The following DMKN variants were observed in gnomAD, a reference collection of about 807,000 sequenced individuals.
The protein encoded by DMKN is dermokine.
DMKN carries 58 observed loss-of-function variants against 67.6 expected under a neutral mutation model. The ratio of observed to expected loss-of-function variants is 0.86; its 90% confidence interval spans 0.69 to 1.07. DMKN has a LOEUF of 1.07. Ranked by LOEUF, DMKN falls within the 50% of genes least tolerant of loss-of-function variation. The pLI is 0.00. For synonymous variants in DMKN, 240 were observed against 232.3 expected (o/e 1.03, Z -0.30); for missense variants, 596 against 601.5 (o/e 0.99, Z 0.10).
At chr19:35,501,553 C>T (rs972331307) in intron 11 of DMKN, among the ~76,000 whole-genome samples, 37 of 152,218 alleles carry the variant, frequency 2.4e-4, no homozygotes, top group Non-Finnish European at 4.0e-4. Flanking sequence ...CGGGAGCAGG[C>T]AGCCTTTGTC....
At chr19:35,502,796 C>A (rs369745403) in intron 10 of DMKN, 34 bp downstream of exon 10, 156 of 1,612,236 alleles carry the variant, frequency 9.7e-5, no homozygotes, top group Non-Finnish European at 1.2e-4. Context: ...GAGGGCCAGG[C>A]CCCCAGTTCT....
chr19:35,498,582 C>G (rs943647343), intron 15 of DMKN, 134 bp downstream of exon 15: 25 of 1,239,674 alleles, frequency 2.0e-5, no homozygotes, highest in Non-Finnish European at 2.8e-5. Flanking sequence ...CTTTAGAGCA[C>G]GCACCCAGAG....
At chr19:35,509,080 A>G (rs2070185343) in intron 7 of DMKN, among the ~76,000 whole-genome samples, 1 of 151,878 alleles carries the variant, frequency 6.6e-6, no homozygotes, top group African/African-American at 2.4e-5. Context: ...AATTAGCCAG[A>G]GGTGGTGGCT....
chr19:35,505,698 C>A lies in DMKN; in HGVS notation c.1134+20G>T, dbSNP rs541868067. The A allele has an allele frequency of 6.2e-6, 10 of 1,614,162 alleles. No homozygotes were observed. The highest frequency in any genetic ancestry group is 8.5e-6 in the Non-Finnish European group (10 of 1,180,022). On this transcript the variant is annotated intron_variant, in intron 9 of 15. Coordinates refer to ENST00000339686, the MANE Select transcript of DMKN (RefSeq NM_033317.5). ...CTTTCTTCCCTATAGCCCTCTCCGA[C>A]GAAGATGTCCAGCCCTTACCTTGTT... is the stretch of plus-strand genomic sequence containing the variant.
intron 15 of DMKN, 153 bp from the exon 16 acceptor site, chr19:35,497,691 AG>A (rs2067666513): frequency 6.6e-6 from 1 of 152,220 alleles, no homozygotes; most frequent in South Asian, 2.1e-4. Context: ...CCTAAAACAG[AG>A]TTTGTGGTTC....
At chr19:35,510,977 C>A (rs975187704) in intron 5 of DMKN, among the ~76,000 whole-genome samples, 13 of 152,138 alleles carry the variant, frequency 8.5e-5, no homozygotes, top group Non-Finnish European at 1.5e-5. Flanking sequence ...TCGTCTGCAC[C>A]GTCGCTCTGT....
At chr19:35,502,750 G>A (rs2068640957) in intron 10 of DMKN, 80 bp downstream of exon 10, 4 of 1,461,434 alleles carry the variant, frequency 2.7e-6, no homozygotes, top group South Asian at 1.1e-5. Flanking sequence ...TTGGAGCAGA[G>A]GGTGGCTGCC....
In DMKN at chr19:35,511,588, G is replaced by C; in HGVS notation, c.741C>G (p.Gly247=). The C allele has an allele frequency of 6.2e-7, 1 of 1,611,818 alleles. No individual in the cohort carries two copies. The highest frequency in any genetic ancestry group is 8.5e-7 in the Non-Finnish European group (1 of 1,179,750). Reference sequence around the variant, plus strand: ...CACTGCTGCCCGACTGTGAGCCGCTGCCTCCCTGAGGGGCAGGAAGGGAGC... The same window carrying C: ...CACTGCTGCCCGACTGTGAGCCGCTCCCTCCCTGAGGGGCAGGAAGGGAGC... ...SGGGSSNSGG[G]SGSQSGSSGS... is the part of the protein sequence containing the mutation. The change falls in exon 5 of 16, where the codon GGC becomes GGG. Residue 247 remains glycine, a synonymous_variant. Transcript: ENST00000339686.
chr19:35,498,682 G>A (rs543664793), intron 15 of DMKN, 34 bp downstream of exon 15: 2 of 1,613,294 alleles, frequency 1.2e-6, no homozygotes, highest in African/African-American at 1.3e-5. Context: ...CCACTGCCAG[G>A]ATGTGGCCTG....
chr19:35,507,701 C>T (rs2069853432), intron 7 of DMKN: 3 of 565,724 alleles, frequency 5.3e-6, no homozygotes, highest in South Asian at 2.3e-5. Context: ...CCTGAGATCT[C>T]GTTTCAAGCT....
rs1600099724 is a variant in DMKN, at chr19:35,512,880, G to C, written c.427-90C>G. ...CAAATCATAAAGAGACCAGGAGAGA[G>C]ACAGGCAGAGGGACTCCAGGGTGGC... On this transcript the variant is annotated intron_variant, in intron 1 of 15. Transcript: ENST00000339686. 16 of 1,522,772 alleles carry C rather than the reference G, an allele frequency of 1.1e-5. No homozygotes were observed. The East Asian group carries it at 3.7e-4, about 36-fold the overall frequency. 94.3% of individuals were successfully genotyped at this position (1,522,772 alleles called of 1,614,324 possible). A position where few individuals can be genotyped will look rare whatever the true frequency, so the allele number is the denominator to read the frequency against.
intron 2 of DMKN, 30 bp downstream of exon 2, chr19:35,512,560 G>A: frequency 6.2e-7 from 1 of 1,613,958 alleles, no homozygotes; most frequent in Non-Finnish European, 8.5e-7. Context: ...GGAGGGAGGT[G>A]GCAGGTAGCA....
At chr19:35,512,846 G>C in intron 1 of DMKN, 56 bp from the exon 2 acceptor site, 2 of 1,574,648 alleles carry the variant, frequency 1.3e-6, no homozygotes, top group Non-Finnish European at 1.7e-6. Context: ...TGGTAGAGAA[G>C]AGCCAGGGCA....
In DMKN at chr19:35,499,947, G is replaced by C; in HGVS notation, c.1359+11C>G. On this transcript the variant is annotated intron_variant, in intron 13 of 15. Coordinates refer to ENST00000339686, the MANE Select transcript of DMKN (RefSeq NM_033317.5). ...CCCCCAGCGGGAAGACAGGGTGGTT[G>C]CCGGTCTCACCTTTGCAGGGGTCTT... 2 of 1,613,842 alleles carry C rather than the reference G, an allele frequency of 1.2e-6. No individual in the cohort carries two copies. The highest frequency in any genetic ancestry group is 1.3e-5 in the African/African-American group (1 of 75,028).
chr19:35,508,726 A>T (rs2070099250), intron 7 of DMKN, among the ~76,000 whole-genome samples: 1 of 152,152 alleles, frequency 6.6e-6, no homozygotes, highest in Non-Finnish European at 1.5e-5. Context: ...GTCTGGTTAG[A>T]TGGAGGGGTG....
intron 12 of DMKN, 34 bp downstream of exon 12, chr19:35,500,499 G>A: frequency 1.2e-6 from 2 of 1,601,556 alleles, no homozygotes; most frequent in Non-Finnish European, 1.7e-6. Flanking sequence ...GGGGACCAAG[G>A]GCCCTGCAGG....
intron 12 of DMKN, 132 bp from the exon 13 acceptor site, chr19:35,500,161 T>C: frequency 8.2e-7 from 1 of 1,218,552 alleles, no homozygotes; most frequent in Non-Finnish European, 1.2e-6. Context: ...TTGTGTCACG[T>C]GTTTTCTTTT....
At position 35,502,304 on chromosome 19, in the gene DMKN, T is replaced by G; in HGVS notation, c.1192-121A>C. On this transcript the variant is annotated intron_variant, in intron 10 of 15. Coordinates refer to ENST00000339686, the MANE Select transcript of DMKN (RefSeq NM_033317.5). ...GGAGCTTTTGGGTGTGGCTTGGGGT[T>G]GGAGGAAGGTAAGCACGTGGGAGAT... 8 of 909,100 alleles carry G rather than the reference T, an allele frequency of 8.8e-6. No individual in the cohort carries two copies. The South Asian group carries it at 9.5e-5, about 11-fold the overall frequency. The allele number at this position is 909,100 out of a possible 1,614,324, so 56.3% of individuals were successfully genotyped here. A position where few individuals can be genotyped will look rare whatever the true frequency, so the allele number is the denominator to read the frequency against.
Position 35,511,647 on chromosome 19 carries a change from GC to G in DMKN, c.736-55del. On this transcript the variant is annotated intron_variant, in intron 4 of 15. Coordinates refer to ENST00000339686, the MANE Select transcript of DMKN (RefSeq NM_033317.5). ...GATTAAAGACAGAGCACCAAGACGG[GC>G]CCCTCCTCCCTCCCTCTCCACCCAG... The G allele has an allele frequency of 3.1e-6, 5 of 1,596,148 alleles. No homozygotes were observed. In the South Asian group the frequency reaches 5.7e-5, roughly 18 times the overall value.
Sources: allele counts gnomAD v4.1 joint callset (sites outside exome capture counted in the v4.1 genomes callset), GRCh38; gene constraint gnomAD v4.1.1; transcripts MANE v1.5; gene names NCBI Gene and HGNC (gene_info 2026-07-23, HGNC 2026-07-21).